CDH4: variants seen among roughly 807,000 people sequenced by gnomAD.
The protein encoded by CDH4 is cadherin 4, also known as cadherin-4.
Under a neutral mutation model 86.0 loss-of-function variants are expected in CDH4, and 33 were observed. The observed-to-expected ratio is 0.38, with a 90% CI of 0.29 to 0.51. The LOEUF is 0.51. Among genes scored for constraint, CDH4 ranks in the 20% least tolerant of loss-of-function variants. CDH4 has a pLI of 0.86. For missense variants in CDH4, 1,114 were observed against 1,307.4 expected, an observed-to-expected ratio of 0.85 and a Z score of 2.28; for synonymous variants, 555 against 549.4, an observed-to-expected ratio of 1.01 and a Z score of -0.14.
chr20:61,344,608 A>T (rs1278978721), intron 2 of CDH4, among the ~76,000 whole-genome samples: 1 of 152,196 alleles, frequency 6.6e-6, no homozygotes, highest in Non-Finnish European at 1.5e-5. Flanking sequence ...CCGCCTCTTC[A>T]CTAAGAGGTA....
intron 2 of CDH4, among the ~76,000 whole-genome samples, chr20:61,430,368 C>T (rs1291998509): frequency 6.6e-6 from 1 of 152,208 alleles, no homozygotes; most frequent in Non-Finnish European, 1.5e-5. Context: ...ACGCCCGGCT[C>T]ATCAGTGTGC....
intron 6 of CDH4, among the ~76,000 whole-genome samples, chr20:61,863,887 C>T (rs1304567884): frequency 1.3e-5 from 2 of 152,226 alleles, no homozygotes; most frequent in East Asian, 1.9e-4. Flanking sequence ...CCGTCTCCTC[C>T]CAGCCTTACC....
intron 2 of CDH4, among the ~76,000 whole-genome samples, chr20:61,428,070 C>T (rs144318734): frequency 3.3e-5 from 5 of 152,220 alleles, no homozygotes; most frequent in South Asian, 4.1e-4. Flanking sequence ...GCACCCTTTC[C>T]GAGTCATAGA....
At position 61,816,694 on chromosome 20, in the gene CDH4, G is replaced by GA. The variant is rs202178702; in HGVS notation, c.577-27974_577-27973insA. On this transcript the variant is annotated intron_variant, in intron 4 of 15. Coordinates refer to ENST00000614565, the MANE Select transcript of CDH4 (RefSeq NM_001794.5). ...GGGTGAATCGCACGTTAAATGGGGG[G>GA]GGGCGGTTTGTGGGTTTGCCAAGGG... 4.8e-3 allele frequency among the ~76,000 whole-genome samples: 725 copies of GA among 151,932 alleles called. 4 individuals are homozygous for GA. The highest frequency in any genetic ancestry group is 7.5e-3 in the Non-Finnish European group (511 of 67,900).
chr20:61,434,012 G>T (rs1007365047), intron 2 of CDH4, among the ~76,000 whole-genome samples: 1 of 152,150 alleles, frequency 6.6e-6, no homozygotes, highest in Non-Finnish European at 1.5e-5. Flanking sequence ...GTCCCATGGC[G>T]CATGGCTGAC....
intron 2 of CDH4, among the ~76,000 whole-genome samples, chr20:61,667,320 G>A (rs75692949): frequency 0.13 from 19,760 of 152,230 alleles, 1,367 homozygotes; most frequent in Middle Eastern, 0.23. Context: ...CTGGGGCTCC[G>A]CATGCAGCAT....
In CDH4 at chr20:61,693,884, C is replaced by CTTT. The variant is rs11479778; in HGVS notation, c.170-49655_170-49653dup. 7.8e-3 allele frequency among the ~76,000 whole-genome samples: 642 copies of CTTT among 82,712 alleles called. 41 individuals are homozygous for CTTT. The highest frequency in any genetic ancestry group is 0.016 in the African/African-American group (320 of 19,542). The allele number at this position is 82,712 out of a possible 152,430, so 54.3% of individuals were successfully genotyped here. A position where few individuals can be genotyped will look rare whatever the true frequency, so the allele number is the denominator to read the frequency against. On this transcript the variant is annotated intron_variant, in intron 2 of 15. Transcript: ENST00000614565. ...AACGCTTCTCAGACACTCTTTCTTT[C>CTTT]TTTTTTTTTTTTTTTTTTTTTTTTT...
intron 10 of CDH4, 95 bp from the exon 11 acceptor site, chr20:61,924,239 C>A: frequency 2.4e-6 from 3 of 1,271,360 alleles, no homozygotes; most frequent in Middle Eastern, 2.6e-4. Context: ...CTGGCCCAGG[C>A]CCAGGCCCTG....
At chr20:61,688,844 C>G (rs943087611) in intron 2 of CDH4, among the ~76,000 whole-genome samples, 1 of 152,234 alleles carries the variant, frequency 6.6e-6, no homozygotes, top group African/African-American at 2.4e-5. Flanking sequence ...GAGTGTGCAA[C>G]CCAGCAGGGG....
intron 4 of CDH4, among the ~76,000 whole-genome samples, chr20:61,798,511 C>T (rs1979666556): frequency 6.6e-6 from 1 of 152,202 alleles, no homozygotes; most frequent in Non-Finnish European, 1.5e-5. Flanking sequence ...GGGTGGGCCC[C>T]TCAGGAAGAA....
At chr20:61,565,163 G>A (rs111375026) in intron 2 of CDH4, among the ~76,000 whole-genome samples, 1,424 of 122,266 alleles carry the variant, frequency 0.012, 89 homozygotes, top group Middle Eastern at 0.051. Flanking sequence ...TGGTCCTCTT[G>A]GTGATGGGGT....
At chr20:61,769,460 C>T (rs1010087606) in intron 3 of CDH4, among the ~76,000 whole-genome samples, 3 of 152,202 alleles carry the variant, frequency 2.0e-5, no homozygotes, top group Admixed American at 1.3e-4. Flanking sequence ...CCATCTGTTC[C>T]ATGGGAAGAT....
At chr20:61,603,599 T>C (rs190423050) in intron 2 of CDH4, among the ~76,000 whole-genome samples, 1 of 152,304 alleles carries the variant, frequency 6.6e-6, no homozygotes, top group African/African-American at 2.4e-5. Flanking sequence ...CCTCACCTGC[T>C]AGGTCCCATT....
intron 2 of CDH4, among the ~76,000 whole-genome samples, chr20:61,645,005 C>A (rs1035681290): frequency 6.6e-6 from 1 of 152,204 alleles, no homozygotes; most frequent in Non-Finnish European, 1.5e-5. Flanking sequence ...GCTCACATGG[C>A]GGGCGAGCTC....
intron 3 of CDH4, among the ~76,000 whole-genome samples, chr20:61,756,471 C>T (rs1198983464): frequency 1.3e-5 from 2 of 152,102 alleles, no homozygotes; most frequent in East Asian, 3.9e-4. Flanking sequence ...GGCCTGTCCC[C>T]CACTACTCAC....
intron 2 of CDH4, among the ~76,000 whole-genome samples, chr20:61,337,207 A>G (rs2084621742): frequency 1.4e-5 from 2 of 145,202 alleles, no homozygotes; most frequent in South Asian, 4.5e-4. Context: ...ATCATCTTCC[A>G]TGTGGCTGGC....
intron 2 of CDH4, among the ~76,000 whole-genome samples, chr20:61,340,544 G>C (rs772358520): frequency 6.6e-6 from 1 of 152,130 alleles, no homozygotes; most frequent in Non-Finnish European, 1.5e-5. Flanking sequence ...CAAGGACTTA[G>C]AGTGGGCCAT....
intron 2 of CDH4, among the ~76,000 whole-genome samples, chr20:61,413,189 C>T (rs1004405970): frequency 1.2e-4 from 17 of 140,288 alleles, no homozygotes; most frequent in East Asian, 5.1e-4. Context: ...AGAGCTTCCC[C>T]GCCCCCCACC....
intron 13 of CDH4, among the ~76,000 whole-genome samples, chr20:61,931,378 G>A (rs1017322477): frequency 6.6e-6 from 1 of 152,216 alleles, no homozygotes; most frequent in Non-Finnish European, 1.5e-5. Context: ...CCCTCTGCAG[G>A]CAGGGCGATG....
Sources: gnomAD v4.1 joint callset for allele counts (sites outside exome capture counted in the v4.1 genomes callset) on GRCh38, gnomAD v4.1.1 for gene constraint, MANE v1.5 for transcripts, NCBI Gene and HGNC (gene_info 2026-07-23, HGNC 2026-07-21) for gene names.